The following OLA1 variants were observed in gnomAD, a reference collection of about 807,000 sequenced individuals.
The protein encoded by OLA1 is Obg like ATPase 1.
Under a neutral mutation model 48.4 loss-of-function variants are expected in OLA1, and 14 were observed. That is an observed-to-expected ratio of 0.29 (90% CI 0.19 to 0.45). OLA1 has a LOEUF of 0.45. Among genes scored for constraint, OLA1 ranks in the 20% least tolerant of loss-of-function variants. The pLI, the probability that OLA1 is intolerant of heterozygous loss-of-function variation, is 1.00. For synonymous variants in OLA1, 127 were observed against 150.4 expected (o/e 0.84, Z 1.14); for missense variants, 325 against 467.1 (o/e 0.70, Z 2.80).
chr2:174,096,438 A>C (rs765419342), intron 7 of OLA1, among the ~76,000 whole-genome samples: 6 of 152,248 alleles, frequency 3.9e-5, no homozygotes, highest in Non-Finnish European at 8.8e-5. Context: ...TATCTAAAAA[A>C]TAAAACCCCA....
At chr2:174,155,245 A>G (rs2105391635) in intron 4 of OLA1, among the ~76,000 whole-genome samples, 1 of 152,290 alleles carries the variant, frequency 6.6e-6, no homozygotes, top group East Asian at 1.9e-4. Flanking sequence ...AACAGGCCCA[A>G]AAAAGGGGTG....
chr2:174,100,683 T>C (rs1685372200), intron 7 of OLA1, among the ~76,000 whole-genome samples: 1 of 152,194 alleles, frequency 6.6e-6, no homozygotes, highest in Admixed American at 6.5e-5. Flanking sequence ...ATATTTTCTA[T>C]TGAGGTAGAA....
At chr2:174,078,915 A>G in intron 10 of OLA1, 53 bp downstream of exon 10, 1 of 1,540,156 alleles carries the variant, frequency 6.5e-7, no homozygotes, top group Non-Finnish European at 8.8e-7. Context: ...ATCATGACTA[A>G]CTTCGCATCA....
intron 2 of OLA1, among the ~76,000 whole-genome samples, chr2:174,244,749 C>T (rs1226873139): frequency 4.6e-5 from 7 of 151,996 alleles, no homozygotes; most frequent in African/African-American, 9.7e-5. Context: ...CCCAGCCTCC[C>T]GAGTATCTGG....
Position 174,157,014 on chromosome 2 carries a change from TAA to T in OLA1, c.374-15016_374-15015del, listed in dbSNP as rs57431404. ...GAAATGACATCAAAATGGTCAAATC[TAA>T]AAAAAAAAAAAAATGAAAGAAAACA... On this transcript the variant is annotated intron_variant, in intron 4 of 10. Transcript: ENST00000284719. 1.7e-3 allele frequency among the ~76,000 whole-genome samples: 213 copies of T among 125,006 alleles called. 1 individual carries two copies. The highest frequency in any genetic ancestry group is 5.6e-3 in the South Asian group (24 of 4,254). The allele number at this position is 125,006 out of a possible 152,430, so 82.0% of individuals were successfully genotyped here.
At chr2:174,148,918 G>A (rs1686678795) in intron 4 of OLA1, among the ~76,000 whole-genome samples, 2 of 152,060 alleles carry the variant, frequency 1.3e-5, no homozygotes, top group South Asian at 4.1e-4. Context: ...TCCTGTATTT[G>A]TATCTCCTCC....
rs1481596694 is a variant in OLA1, at chr2:174,146,212, A to G, written c.374-4212T>C. On this transcript the variant is annotated intron_variant, in intron 4 of 10. Transcript: ENST00000284719. ...TTCACATACATTTGTAAACCATGAG[A>G]GTTTGGATTTATTCTAGCTGTAATG... Among the ~76,000 whole-genome samples the G allele has an allele frequency of 2.0e-5, 3 of 152,200 alleles. No individual in the cohort carries two copies. In the East Asian group the frequency reaches 5.8e-4, roughly 29 times the overall value.
chr2:174,075,564 T>A (rs764869107), intron 10 of OLA1, 37 bp from the exon 11 acceptor site: 1 of 1,264,608 alleles, frequency 7.9e-7, no homozygotes, highest in South Asian at 1.2e-5. Context: ...GGGTTATTAG[T>A]TTACAACTAA....
Position 174,075,233 on chromosome 2 carries a change from T to G in OLA1, c.*193A>C. 1.2e-5 allele frequency: 6 copies of G among 486,126 alleles called. No individual in the cohort carries two copies. The highest frequency in any genetic ancestry group is 7.6e-5 in the East Asian group (2 of 26,184). 30.1% of individuals were successfully genotyped at this position (486,126 alleles called of 1,614,324 possible). On this transcript the variant is annotated 3_prime_UTR_variant, in exon 11 of 11. Coordinates refer to ENST00000284719, the MANE Select transcript of OLA1 (RefSeq NM_013341.5). ...CACGTGAAAAGCAAAGCTGTTCACA[T>G]TTAGTGAACCTGCATTTCATGGGGG...
intron 7 of OLA1, among the ~76,000 whole-genome samples, chr2:174,112,565 G>A (rs1685677987): frequency 6.6e-6 from 1 of 152,238 alleles, no homozygotes. Flanking sequence ...GGATTGGGAA[G>A]TGGGACCTTT....
intron 4 of OLA1, among the ~76,000 whole-genome samples, chr2:174,206,635 C>T (rs765567069): frequency 1.1e-4 from 16 of 152,078 alleles, no homozygotes; most frequent in Non-Finnish European, 1.3e-4. Flanking sequence ...AGGATATATT[C>T]ATGAAATTAA....
chr2:174,123,907 A>G (rs1444102689), intron 5 of OLA1, among the ~76,000 whole-genome samples: 1 of 152,208 alleles, frequency 6.6e-6, no homozygotes, highest in Non-Finnish European at 1.5e-5. Flanking sequence ...AATTAGTAAC[A>G]GCCTGAAAAA....
In OLA1 at chr2:174,132,077, T is replaced by C. The variant is rs1686195693; in HGVS notation, c.550-8402A>G. On this transcript the variant is annotated intron_variant, in intron 5 of 10. Coordinates refer to ENST00000284719, the MANE Select transcript of OLA1 (RefSeq NM_013341.5). Reference sequence around the variant, plus strand: ...ACTATTTACATTTTTTATTTCTTTTTACACTCATTTTCTTAAGCAGTCTTT... The same window carrying C: ...ACTATTTACATTTTTTATTTCTTTTCACACTCATTTTCTTAAGCAGTCTTT... Among the ~76,000 whole-genome samples the C allele has an allele frequency of 2.6e-5, 4 of 152,186 alleles. No homozygotes were observed. In the South Asian group the frequency reaches 8.3e-4, roughly 32 times the overall value.
chr2:174,118,431 G>C (rs1685834249), intron 7 of OLA1, among the ~76,000 whole-genome samples: 1 of 151,660 alleles, frequency 6.6e-6, no homozygotes, highest in Non-Finnish European at 1.5e-5. Context: ...TTGTGTAGAT[G>C]AATCATTTGT....
rs375829160 is a variant in OLA1 at position 174,082,353 on chromosome 2, A to C, written c.729-289T>G. On this transcript the variant is annotated intron_variant, in intron 7 of 10. Transcript: ENST00000284719. The stretch of plus-strand genomic sequence containing the variant: ...TACACTAAAATTGTTCAGCATTAAC[A>C]CCTGTACCCTTGAATAAAGCTTCCA... 3.3e-5 allele frequency among the ~76,000 whole-genome samples: 5 copies of C among 152,156 alleles called. No individual in the cohort carries two copies. The East Asian group carries it at 5.8e-4, about 18-fold the overall frequency.
At chr2:174,131,595 A>G (rs553517405) in intron 5 of OLA1, among the ~76,000 whole-genome samples, 232 of 152,202 alleles carry the variant, frequency 1.5e-3, no homozygotes, top group Non-Finnish European at 2.3e-3. Context: ...TGACAATTTC[A>G]TTTGCTTCAC....
chr2:174,130,869 AG>A (rs1163723370), intron 5 of OLA1, among the ~76,000 whole-genome samples: 1 of 152,228 alleles, frequency 6.6e-6, no homozygotes, highest in African/African-American at 2.4e-5. Flanking sequence ...TATGCTGGTT[AG>A]GAAGCTTTAA....
intron 7 of OLA1, among the ~76,000 whole-genome samples, chr2:174,082,299 T>A (rs1429995184): frequency 1.3e-5 from 2 of 152,152 alleles, no homozygotes; most frequent in Non-Finnish European, 2.9e-5. Flanking sequence ...TGGAAACTAT[T>A]ATACAAATAT....
chr2:174,112,144 T>C (rs1160309819), intron 7 of OLA1, among the ~76,000 whole-genome samples: 2 of 152,220 alleles, frequency 1.3e-5, no homozygotes, highest in Non-Finnish European at 2.9e-5. Context: ...GACTGGTATA[T>C]GACACATTTC....
Sources: allele counts gnomAD v4.1 joint callset (sites outside exome capture counted in the v4.1 genomes callset), GRCh38; gene constraint gnomAD v4.1.1; transcripts MANE v1.5; gene names NCBI Gene and HGNC (gene_info 2026-07-23, HGNC 2026-07-21).